The following EIF4ENIF1 variants were observed in gnomAD, a reference collection of about 807,000 sequenced individuals.
The protein encoded by EIF4ENIF1 is eukaryotic translation initiation factor 4E nuclear import factor 1.
A neutral mutation model predicts 110.5 loss-of-function variants in EIF4ENIF1; 23 were observed. That is an observed-to-expected ratio of 0.21 (90% CI 0.15 to 0.29). The LOEUF is 0.29. Among genes scored for constraint, EIF4ENIF1 ranks in the 10% least tolerant of loss-of-function variants. The probability of loss-of-function intolerance (pLI) is 1.00; values close to 1 mark genes in which losing one functional copy is unlikely to be tolerated. For missense variants in EIF4ENIF1, 1,031 were observed against 1,221.1 expected, an observed-to-expected ratio of 0.84 and a Z score of 2.32; for synonymous variants, 440 against 437.0, an observed-to-expected ratio of 1.01 and a Z score of -0.09.
At chr22:31,462,723 A>G (rs1442504201) in intron 6 of EIF4ENIF1, among the ~76,000 whole-genome samples, 1 of 152,080 alleles carries the variant, frequency 6.6e-6, no homozygotes, top group Non-Finnish European at 1.5e-5. Context: ...AGCTGGGACT[A>G]CAGGCACCAG....
At chr22:31,458,163 G>A (rs1317091853) in intron 7 of EIF4ENIF1, among the ~76,000 whole-genome samples, 1 of 151,732 alleles carries the variant, frequency 6.6e-6, no homozygotes, top group South Asian at 2.1e-4. Context: ...AGGAGACGGA[G>A]GTTGCAATGA....
In EIF4ENIF1 at chr22:31,456,223, CTT is replaced by C. The variant is rs36001621; in HGVS notation, c.964-238_964-237del. On this transcript the variant is annotated intron_variant, in intron 7 of 18. Transcript: ENST00000330125. Reference sequence around the variant, plus strand: ...TACTTTCCTTTTTTATTTTTTATTACTTTTTTTTTTTTTTTTTTGAGACAGAG... The same window carrying C: ...TACTTTCCTTTTTTATTTTTTATTACTTTTTTTTTTTTTTTTGAGACAGAG... Among the ~76,000 whole-genome samples the C allele has an allele frequency of 9.1e-3, 1,191 of 130,992 alleles. 8 individuals are homozygous for C. The highest frequency in any genetic ancestry group is 0.015 in the Non-Finnish European group (920 of 61,060). 85.9% of individuals were successfully genotyped at this position (130,992 alleles called of 152,430 possible). A position where few individuals can be genotyped will look rare whatever the true frequency, so the allele number is the denominator to read the frequency against.
intron 11 of EIF4ENIF1, 87 bp downstream of exon 11, chr22:31,450,201 TA>T: frequency 9.8e-7 from 1 of 1,022,808 alleles, no homozygotes; most frequent in Non-Finnish European, 1.5e-6. Flanking sequence ...GATCATTTTC[TA>T]AGGCCCAAAG....
At chr22:31,470,371 C>T (rs1386185065) in intron 3 of EIF4ENIF1, among the ~76,000 whole-genome samples, 1 of 151,426 alleles carries the variant, frequency 6.6e-6, no homozygotes, top group Non-Finnish European at 1.5e-5. Flanking sequence ...ACCTCCACCT[C>T]CCGGGTTCAA....
chr22:31,438,715 G>C (rs1419553104), downstream of EIF4ENIF1, among the ~76,000 whole-genome samples: 7 of 151,996 alleles, frequency 4.6e-5, no homozygotes, highest in African/African-American at 9.7e-5. Context: ...AATCAAGATA[G>C]AGTCCAATTA....
At chr22:31,471,196 T>G (rs1157715053) in intron 3 of EIF4ENIF1, among the ~76,000 whole-genome samples, 1 of 150,398 alleles carries the variant, frequency 6.6e-6, no homozygotes, top group Non-Finnish European at 1.5e-5. Context: ...TTTGTGGGAA[T>G]GCAAAAAAAA....
downstream of EIF4ENIF1, among the ~76,000 whole-genome samples, chr22:31,438,888 A>G (rs931800265): frequency 1.3e-5 from 2 of 151,978 alleles, no homozygotes; most frequent in South Asian, 4.2e-4. Flanking sequence ...ATGCCCAGCT[A>G]GTTTTGTATT....
downstream of EIF4ENIF1, chr22:31,437,239 C>T (rs1159541405): frequency 6.6e-6 from 1 of 152,214 alleles, no homozygotes; most frequent in Non-Finnish European, 1.5e-5. Context: ...GCTTTGTGGT[C>T]CTCAGCTGTT....
chr22:31,464,699 A>AAAATAT lies in EIF4ENIF1; in HGVS notation c.299-733_299-732insATATTT, dbSNP rs1304121964. 4.6e-4 allele frequency among the ~76,000 whole-genome samples: 18 copies of AAAATAT among 39,120 alleles called. 1 individual carries two copies. The South Asian group carries it at 6.0e-3, about 13-fold the overall frequency. The allele number at this position is 39,120 out of a possible 152,430, so 25.7% of individuals were successfully genotyped here. ...TCAAAAAAAAAAAAAAAAAAAAAAA[A>AAAATAT]ATATATATATATATATATATATATA... On this transcript the variant is annotated intron_variant, in intron 4 of 18. Coordinates refer to ENST00000330125, the MANE Select transcript of EIF4ENIF1 (RefSeq NM_019843.4).
intron 18 of EIF4ENIF1, among the ~76,000 whole-genome samples, chr22:31,440,476 G>GA (rs1373488695): frequency 6.6e-6 from 1 of 152,176 alleles, no homozygotes; most frequent in African/African-American, 2.4e-5. Context: ...ACAGGCAAAG[G>GA]AAAAAGCCAG....
At chr22:31,489,330 C>G (rs12106594) in intron 1 of EIF4ENIF1, 1 of 152,784 alleles carries the variant, frequency 6.5e-6, no homozygotes, top group African/African-American at 2.4e-5. Flanking sequence ...CAACCCGCAG[C>G]CCCTCACGCA....
At chr22:31,464,697 A>AAAAG (rs2051120596) in intron 4 of EIF4ENIF1, among the ~76,000 whole-genome samples, 6 of 50,378 alleles carry the variant, frequency 1.2e-4, no homozygotes, top group Admixed American at 2.0e-4. Flanking sequence ...AAAAAAAAAA[A>AAAAG]AAATATATAT....
At chr22:31,475,472 C>G (rs1346108904) in intron 2 of EIF4ENIF1, among the ~76,000 whole-genome samples, 4 of 152,110 alleles carry the variant, frequency 2.6e-5, no homozygotes, top group Non-Finnish European at 5.9e-5. Context: ...ATCGAGTGGG[C>G]CGGGCACAGT....
intron 2 of EIF4ENIF1, 37 bp from the exon 3 acceptor site, chr22:31,471,954 T>C: frequency 6.6e-7 from 1 of 1,518,946 alleles, no homozygotes; most frequent in African/African-American, 1.4e-5. Flanking sequence ...TTGAATTACA[T>C]TTCTTAGGCC....
At chr22:31,451,388 C>T (rs2050668593) in intron 10 of EIF4ENIF1, 2 of 152,288 alleles carry the variant, frequency 1.3e-5, no homozygotes, top group South Asian at 4.1e-4. Context: ...ATTCTCCTGC[C>T]TCAGCCTCCT....
chr22:31,470,478 G>A (rs2051337049), intron 3 of EIF4ENIF1, among the ~76,000 whole-genome samples: 1 of 151,732 alleles, frequency 6.6e-6, no homozygotes, highest in African/African-American at 2.4e-5. Flanking sequence ...ACAGGGTTTC[G>A]CCATGTTGGC....
intron 11 of EIF4ENIF1, among the ~76,000 whole-genome samples, chr22:31,450,070 G>C (rs1265799268): frequency 6.8e-6 from 1 of 147,566 alleles, no homozygotes; most frequent in Non-Finnish European, 1.5e-5. Context: ...AAGGAAACTA[G>C]AAGTCAAGGC....
intron 2 of EIF4ENIF1, among the ~76,000 whole-genome samples, chr22:31,473,053 T>C (rs2051441792): frequency 6.6e-6 from 1 of 150,730 alleles, no homozygotes; most frequent in Non-Finnish European, 1.5e-5. Flanking sequence ...GGCTTCCACA[T>C]ATGAGCGAGC....
chr22:31,458,182 C>T (rs912290568), intron 7 of EIF4ENIF1, among the ~76,000 whole-genome samples: 1 of 150,562 alleles, frequency 6.6e-6, no homozygotes, highest in African/African-American at 2.4e-5. Flanking sequence ...GAGCCAAGAT[C>T]GTGCCACTGC....
Sources: gnomAD v4.1 joint callset for allele counts (sites outside exome capture counted in the v4.1 genomes callset) on GRCh38, gnomAD v4.1.1 for gene constraint, MANE v1.5 for transcripts, NCBI Gene and HGNC (gene_info 2026-07-23, HGNC 2026-07-21) for gene names.